Variants in JMJD1C observed in about 807,000 individuals in gnomAD.
JMJD1C encodes jumonji domain containing 1C.
A neutral mutation model predicts 245.3 loss-of-function variants in JMJD1C; 31 were observed. That is an observed-to-expected ratio of 0.13 (90% confidence interval 0.09 to 0.17). The LOEUF is 0.17. JMJD1C is among the 10% of genes least tolerant of loss of function. JMJD1C has a pLI of 1.00. For missense variants in JMJD1C, 2,691 were observed against 3,000.2 expected (o/e 0.90, Z 2.41); for synonymous variants, 1,057 against 1,017.4 (o/e 1.04, Z -0.74).
chr10:63,272,795 A>G (rs1185973528), intron 2 of JMJD1C, among the ~76,000 whole-genome samples: 1 of 152,236 alleles, frequency 6.6e-6, no homozygotes, highest in Non-Finnish European at 1.5e-5. Context: ...GTACATTAGA[A>G]AATTTCACAG....
At chr10:63,464,324 G>C (rs1316606753) in intron 1 of JMJD1C, among the ~76,000 whole-genome samples, 1 of 151,968 alleles carries the variant, frequency 6.6e-6, no homozygotes, top group Non-Finnish European at 1.5e-5. Context: ...AGGAAAACCC[G>C]AGTTTACAAA....
chr10:63,183,149 C>T (rs778601248), intron 22 of JMJD1C, among the ~76,000 whole-genome samples: 7 of 152,238 alleles, frequency 4.6e-5, no homozygotes, highest in Middle Eastern at 3.2e-3. Flanking sequence ...GTGTGAGCCA[C>T]TGCGCCCAGC....
chr10:63,398,393 AAT>A (rs1221747751), intron 1 of JMJD1C, among the ~76,000 whole-genome samples: 1 of 152,156 alleles, frequency 6.6e-6, no homozygotes, highest in South Asian at 2.1e-4. Context: ...GGCATTTTAA[AAT>A]ATGTTTCTCC....
At chr10:63,224,820 T>C (rs537960129) in intron 3 of JMJD1C, among the ~76,000 whole-genome samples, 139 of 152,118 alleles carry the variant, frequency 9.1e-4, no homozygotes, top group African/African-American at 3.1e-3. Context: ...TCCCAGCACT[T>C]TGGGAGGCCG....
intron 2 of JMJD1C, among the ~76,000 whole-genome samples, chr10:63,337,229 A>T (rs2134200904): frequency 6.6e-6 from 1 of 151,456 alleles, no homozygotes; most frequent in Non-Finnish European, 1.5e-5. Flanking sequence ...CACCACTGAG[A>T]CTGGGCACTT....
At chr10:63,244,160 A>G (rs762630601) in intron 3 of JMJD1C, among the ~76,000 whole-genome samples, 5 of 152,184 alleles carry the variant, frequency 3.3e-5, no homozygotes, top group Non-Finnish European at 5.9e-5. Flanking sequence ...TAAATTAGAC[A>G]AAGGAGATGC....
intron 2 of JMJD1C, among the ~76,000 whole-genome samples, chr10:63,290,799 A>G (rs1053479514): frequency 1.3e-5 from 2 of 152,182 alleles, no homozygotes; most frequent in Admixed American, 6.5e-5. Flanking sequence ...ATGTCACAAT[A>G]ATGAAGAGGA....
chr10:63,464,587 T>C (rs1398534250), intron 1 of JMJD1C, among the ~76,000 whole-genome samples: 1 of 152,144 alleles, frequency 6.6e-6, no homozygotes, highest in Non-Finnish European at 1.5e-5. Flanking sequence ...ACCTTCAAGC[T>C]GTCCCTCAGT....
chr10:63,234,513 A>AAAAAAAC (rs1328212979), intron 3 of JMJD1C, among the ~76,000 whole-genome samples: 8 of 150,108 alleles, frequency 5.3e-5, no homozygotes, highest in African/African-American at 2.0e-4. Flanking sequence ...AAAAAAAAAA[A>AAAAAAAC]AAAAAAAACA....
intron 2 of JMJD1C, among the ~76,000 whole-genome samples, chr10:63,302,032 CT>C (rs1268529589): frequency 1.3e-5 from 2 of 151,876 alleles, no homozygotes; most frequent in African/African-American, 4.8e-5. Context: ...CTTTTTTTCC[CT>C]TGAGACAAGG....
At chr10:63,288,293 T>G (rs1255213588) in intron 2 of JMJD1C, among the ~76,000 whole-genome samples, 1 of 152,190 alleles carries the variant, frequency 6.6e-6, no homozygotes, top group African/African-American at 2.4e-5. Flanking sequence ...GTAAAATGCA[T>G]TTTTCTCCAT....
intron 2 of JMJD1C, among the ~76,000 whole-genome samples, chr10:63,361,783 TAAGA>T (rs1945372061): frequency 2.7e-5 from 4 of 147,346 alleles, no homozygotes; most frequent in African/African-American, 1.0e-4. Context: ...TTCATACACT[TAAGA>T]AATATGGAAA....
rs556717683 is a variant in JMJD1C at position 63,253,678 on chromosome 10, G to A, written c.447+10973C>T. 3.3e-5 allele frequency among the ~76,000 whole-genome samples: 5 copies of A among 152,176 alleles called. No homozygotes were observed. The South Asian group carries it at 8.3e-4, about 25-fold the overall frequency. On this transcript the variant is annotated intron_variant, in intron 3 of 25. Coordinates refer to ENST00000399262, the MANE Select transcript of JMJD1C (RefSeq NM_032776.3). The stretch of plus-strand genomic sequence containing the variant: ...TGGGATTACAGGCGTGAGCCACCGC[G>A]CCCGGCCTCATTTTTTAAAAATATG...
chr10:63,308,124 C>A (rs1938545114), intron 2 of JMJD1C, among the ~76,000 whole-genome samples: 1 of 151,948 alleles, frequency 6.6e-6, no homozygotes. Flanking sequence ...GCACTCCAGC[C>A]TGGACGACAG....
At chr10:63,235,602 T>C (rs932595914) in intron 3 of JMJD1C, among the ~76,000 whole-genome samples, 1 of 152,198 alleles carries the variant, frequency 6.6e-6, no homozygotes, top group Non-Finnish European at 1.5e-5. Flanking sequence ...GTTAAGCATA[T>C]TTACTTGCCA....
intron 1 of JMJD1C, among the ~76,000 whole-genome samples, chr10:63,415,427 G>A (rs1949744294): frequency 6.6e-6 from 1 of 152,042 alleles, no homozygotes; most frequent in Non-Finnish European, 1.5e-5. Context: ...ATCAAAATAT[G>A]AAACTAGTTC....
At chr10:63,421,883 T>C (rs1302983679) in intron 1 of JMJD1C, among the ~76,000 whole-genome samples, 1 of 152,228 alleles carries the variant, frequency 6.6e-6, no homozygotes, top group Non-Finnish European at 1.5e-5. Flanking sequence ...CCAACCCTGA[T>C]GACACTGTGA....
intron 2 of JMJD1C, among the ~76,000 whole-genome samples, chr10:63,326,271 G>C (rs1221278516): frequency 5.9e-5 from 9 of 151,990 alleles, no homozygotes. Context: ...GAGACAGGCG[G>C]ATCATTTGAG....
chr10:63,299,474 G>T (rs1859830603), intron 2 of JMJD1C, among the ~76,000 whole-genome samples: 2 of 151,516 alleles, frequency 1.3e-5, no homozygotes, highest in South Asian at 4.2e-4. Context: ...TTACAGGCAT[G>T]AGCCACTGCA....
Sources: allele counts gnomAD v4.1 joint callset (sites outside exome capture counted in the v4.1 genomes callset), GRCh38; gene constraint gnomAD v4.1.1; transcripts MANE v1.5; gene names NCBI Gene and HGNC (gene_info 2026-07-23, HGNC 2026-07-21).